The following FCN1 variants were observed in gnomAD, a reference collection of about 807,000 sequenced individuals.
The protein encoded by FCN1 is ficolin-1.
In FCN1, 42 loss-of-function variants were observed where a neutral mutation model predicts 35.6. The observed-to-expected ratio is 1.18, with a 90% confidence interval of 0.92 to 1.53. The LOEUF (loss-of-function observed/expected upper bound fraction) is 1.53, where lower values mean the gene tolerates loss of function less well. Ranked by LOEUF, FCN1 falls within the 40% of genes most tolerant of loss-of-function variation. The pLI is 0.00. For synonymous variants in FCN1, 179 were observed against 169.8 expected, an observed-to-expected ratio of 1.05 and a Z score of -0.42; for missense variants, 439 against 428.4, an observed-to-expected ratio of 1.02 and a Z score of -0.22.
chr9:134,914,908 T>C (rs1831072698), intron 2 of FCN1, 99 bp from the exon 3 acceptor site: 6 of 890,354 alleles, frequency 6.7e-6, no homozygotes, highest in South Asian at 1.5e-5. Context: ...CCTCCCCCAC[T>C]CTGCCTTGAA....
intron 7 of FCN1, among the ~76,000 whole-genome samples, chr9:134,912,092 G>C (rs760515625): frequency 1.1e-4 from 17 of 152,216 alleles, no homozygotes; most frequent in Non-Finnish European, 1.6e-4. Context: ...GTGCGGCTGT[G>C]GGGGGCCTGC....
At chr9:134,910,641 T>C (rs1366050608) in intron 8 of FCN1, among the ~76,000 whole-genome samples, 1 of 152,214 alleles carries the variant, frequency 6.6e-6, no homozygotes, top group Admixed American at 6.5e-5. Context: ...TGGGACTGCC[T>C]TGCTCCATGG....
chr9:134,915,732 C>A (rs745951737), intron 2 of FCN1, among the ~76,000 whole-genome samples: 1 of 152,216 alleles, frequency 6.6e-6, no homozygotes, highest in South Asian at 2.1e-4. Context: ...GAGCTCACCC[C>A]CTAAGGCAGC....
intron 8 of FCN1, 136 bp from the exon 9 acceptor site, chr9:134,910,181 C>A (rs1831005605): frequency 1.3e-5 from 10 of 797,598 alleles, no homozygotes; most frequent in Non-Finnish European, 2.1e-6. Flanking sequence ...GCACAAATGA[C>A]CCACCCAGGC....
In FCN1 at chr9:134,906,425, AC is replaced by A; in HGVS notation, c.*3372del. On this transcript the variant is annotated 3_prime_UTR_variant, in exon 9 of 9. Transcript: ENST00000371806. ...AATTTAGTTCTTTAAATAACTTCAA[AC>A]ATTTAAAATTGCAATAAGAAGTGGA... The A allele has an allele frequency of 1.3e-5, 2 of 152,290 alleles. No individual in the cohort carries two copies. The highest frequency in any genetic ancestry group is 3.9e-4 in the East Asian group (2 of 5,188). 9.4% of individuals were successfully genotyped at this position (152,290 alleles called of 1,614,324 possible).
chr9:134,905,591 C>T lies in FCN1; in HGVS notation c.*4207G>A, dbSNP rs1046667642. Among the ~76,000 whole-genome samples, 1 of 151,644 alleles carries T rather than the reference C, an allele frequency of 6.6e-6. No homozygotes were observed. The highest frequency in any genetic ancestry group is 1.5e-5 in the Non-Finnish European group (1 of 67,926). ...CTCTGCCTCCTGGGTTCACGCCATT[C>T]TCCTGCCTCAGCTTCTCGAGTAGCT... On this transcript the variant is annotated 3_prime_UTR_variant, in exon 9 of 9. Transcript: ENST00000371806.
chr9:134,912,365 G>T, intron 7 of FCN1, 121 bp downstream of exon 7: 1 of 1,021,094 alleles, frequency 9.8e-7, no homozygotes, highest in Non-Finnish European at 1.4e-6. Flanking sequence ...AGTGCCACCT[G>T]AGTGTGCTCA....
chr9:134,912,920 G>A (rs1357843081), intron 6 of FCN1, 96 bp downstream of exon 6: 10 of 1,524,296 alleles, frequency 6.6e-6, no homozygotes, highest in East Asian at 2.4e-5. Context: ...CCCCATCCAG[G>A]GGAATAGAGA....
Position 134,908,897 on chromosome 9 carries a change from C to A in FCN1, c.*901G>T. 1 of 229,802 alleles carries A rather than the reference C, an allele frequency of 4.4e-6. No individual in the cohort carries two copies. Among genetic ancestry groups the A allele is most frequent in the Non-Finnish European group, 8.8e-6 (1 of 114,228 alleles). The allele number at this position is 229,802 out of a possible 1,614,324, so 14.2% of individuals were successfully genotyped here. ...TGTGTGCCGCACGTTGATTCTGCCC[C>A]TCTGGCCTTCCTTTGGTTCCCTTAG... is the stretch of plus-strand genomic sequence containing the variant. On this transcript the variant is annotated 3_prime_UTR_variant, in exon 9 of 9. Coordinates refer to ENST00000371806, the MANE Select transcript of FCN1 (RefSeq NM_002003.5).
At chr9:134,911,012 T>A in intron 8 of FCN1, 121 bp downstream of exon 8, 1 of 1,049,274 alleles carries the variant, frequency 9.5e-7, no homozygotes, top group South Asian at 1.5e-5. Flanking sequence ...TAGTGTCTGC[T>A]TCATAGATGG....
In FCN1 at chr9:134,911,115, C is replaced by T. The variant is rs376133778; in HGVS notation, c.733+18G>A. 57 of 1,613,750 alleles carry T rather than the reference C, an allele frequency of 3.5e-5. No individual in the cohort carries two copies. Among genetic ancestry groups the T allele is most frequent in the Non-Finnish European group, 4.6e-5 (54 of 1,179,846 alleles). On this transcript the variant is annotated intron_variant, in intron 8 of 8. Transcript: ENST00000371806. ...TTCCAAGCCCCACTCAGGCCACCAG[C>T]CCCAAGCAGACACTCACCCGCACTG... is the stretch of plus-strand genomic sequence containing the variant.
intron 2 of FCN1, among the ~76,000 whole-genome samples, chr9:134,915,114 C>G (rs1831076075): frequency 6.6e-6 from 1 of 152,192 alleles, no homozygotes; most frequent in Non-Finnish European, 1.5e-5. Context: ...GGACCCAAGT[C>G]ACCCACACAG....
At chr9:134,912,752 T>G in intron 6 of FCN1, 137 bp from the exon 7 acceptor site, 1 of 1,255,310 alleles carries the variant, frequency 8.0e-7, no homozygotes, top group African/African-American at 1.5e-5. Context: ...CCATCTGGTC[T>G]CCTCACAGAC....
chr9:134,914,477 G>A lies in FCN1; in HGVS notation c.272-57C>T, dbSNP rs1469510738. On this transcript the variant is annotated intron_variant, in intron 3 of 8. Transcript: ENST00000371806. ...ACCCCAGATGTGTGGGCCACGGAAA[G>A]GCTGGTCCAGAGTGGGCTCCCGGCC... is the stretch of plus-strand genomic sequence containing the variant. 3.4e-6 allele frequency: 5 copies of A among 1,480,896 alleles called. No individual in the cohort carries two copies. The East Asian group carries it at 1.2e-4, about 34-fold the overall frequency. 91.7% of individuals were successfully genotyped at this position (1,480,896 alleles called of 1,614,324 possible).
intron 3 of FCN1, 81 bp from the exon 4 acceptor site, chr9:134,914,501 C>A: frequency 7.6e-7 from 1 of 1,315,804 alleles, no homozygotes; most frequent in Non-Finnish European, 1.1e-6. Context: ...GGGCTCCCGG[C>A]CTGGACACTG....
chr9:134,911,010 G>A (rs1258893248), intron 8 of FCN1, 123 bp downstream of exon 8: 13 of 1,027,634 alleles, frequency 1.3e-5, no homozygotes, highest in East Asian at 1.2e-4. Context: ...GCTAGTGTCT[G>A]CTTCATAGAT....
Position 134,908,947 on chromosome 9 carries a change from T to G in FCN1, c.*851A>C. On this transcript the variant is annotated 3_prime_UTR_variant, in exon 9 of 9. Coordinates refer to ENST00000371806, the MANE Select transcript of FCN1 (RefSeq NM_002003.5). ...GTGTCCTTCGGTAAGTGGGAGCTCT[T>G]GATTTGAATGGAGTCACACTTGCCA... 3.7e-6 allele frequency: 1 copy of G among 273,020 alleles called. No homozygotes were observed. Among genetic ancestry groups the G allele is most frequent in the Non-Finnish European group, 7.2e-6 (1 of 138,622 alleles). 16.9% of individuals were successfully genotyped at this position (273,020 alleles called of 1,614,324 possible).
intron 2 of FCN1, among the ~76,000 whole-genome samples, chr9:134,915,658 T>A (rs1831083616): frequency 6.6e-6 from 1 of 152,162 alleles, no homozygotes; most frequent in Non-Finnish European, 1.5e-5. Flanking sequence ...GCTTGTCCCA[T>A]CTACACTGGG....
chr9:134,915,299 G>A (rs1175074904), intron 2 of FCN1, among the ~76,000 whole-genome samples: 3 of 152,144 alleles, frequency 2.0e-5, no homozygotes, highest in Admixed American at 6.5e-5. Context: ...AGCGCTCCAC[G>A]TGGTTCTGGC....
Sources: gnomAD v4.1 joint callset for allele counts (sites outside exome capture counted in the v4.1 genomes callset) on GRCh38, gnomAD v4.1.1 for gene constraint, MANE v1.5 for transcripts, NCBI Gene and HGNC (gene_info 2026-07-23, HGNC 2026-07-21) for gene names.